The following C2orf76 variants were observed in gnomAD, a reference collection of about 807,000 sequenced individuals.
C2orf76 encodes the protein chromosome 2 open reading frame 76.
C2orf76 carries 23 observed loss-of-function variants against 16.9 expected under a neutral mutation model. The observed-to-expected ratio is 1.36, with a 90% CI of 0.98 to 1.93. The LOEUF is 1.93. C2orf76 is among the 30% of genes most tolerant of loss of function. The pLI, the probability that C2orf76 is intolerant of heterozygous loss-of-function variation, is 0.00. For synonymous variants in C2orf76, 48 were observed against 52.3 expected (o/e 0.92, Z 0.35); for missense variants, 152 against 152.6 (o/e 1.00, Z 0.02).
chr2:119,345,547 G>A (rs7591337), intron 1 of C2orf76, among the ~76,000 whole-genome samples: 85,593 of 151,934 alleles, frequency 0.56, 24,459 homozygotes, highest in African/African-American at 0.62. Context: ...TAAACCCATG[G>A]GTTCATAATG....
At chr2:119,339,711 G>A in intron 2 of C2orf76, 116 bp downstream of exon 2, 1 of 1,163,510 alleles carries the variant, frequency 8.6e-7, no homozygotes, top group Middle Eastern at 3.0e-4. Context: ...CACCTGGCTT[G>A]GAACCCAGGT....
rs759664366 is a variant in C2orf76 at position 119,339,859 on chromosome 2, G to C, written c.101C>G (p.Thr34Ser). 2.5e-6 allele frequency: 4 copies of C among 1,609,208 alleles called. No individual in the cohort carries two copies. In the African/African-American group the frequency reaches 4.0e-5, roughly 16 times the overall value. Reference protein sequence around the residue: ...VVYHGVNLDQTVKEFIVFLKQ... With the variant: ...VVYHGVNLDQSVKEFIVFLKQ... ...TAGAAATACGATAAATTCCTTTACA[G>C]TTTGGTCCAAATTCACTCCGTGATA... The change falls in exon 2 of 6, where the codon ACT becomes AGT. Residue 34 changes from threonine (T) to serine (S), a missense_variant. Physicochemically the swap from Thr to Ser is moderately conservative, Grantham distance 58. Coordinates refer to ENST00000334816, the MANE Select transcript of C2orf76 (RefSeq NM_001322331.2).
the C2orf76 span, among the ~76,000 whole-genome samples, chr2:119,284,053 A>G: frequency 1.3e-5 from 2 of 152,152 alleles, no homozygotes; most frequent in Non-Finnish European, 2.9e-5. Context: ...ATGAGAGGAA[A>G]GCGGTTTTAG....
chr2:119,356,763 G>C (rs1680583392), intron 1 of C2orf76, among the ~76,000 whole-genome samples: 1 of 151,194 alleles, frequency 6.6e-6, no homozygotes, highest in Admixed American at 6.6e-5. Context: ...GACCAGCTAG[G>C]GAAAAAAAAA....
chr2:119,331,598 G>A (rs1407627702), intron 2 of C2orf76, among the ~76,000 whole-genome samples: 1 of 152,122 alleles, frequency 6.6e-6, no homozygotes, highest in African/African-American at 2.4e-5. Context: ...GTCCACTCCA[G>A]ACTGCCAGCT....
chr2:119,302,442 G>T lies in C2orf76; in HGVS notation c.*30C>A, dbSNP rs754773539. 5 of 894,344 alleles carry T rather than the reference G, an allele frequency of 5.6e-6. No individual in the cohort carries two copies. Among genetic ancestry groups the T allele is most frequent in the African/African-American group, 3.5e-5 (2 of 57,208 alleles). 55.4% of individuals were successfully genotyped at this position (894,344 alleles called of 1,614,324 possible). ...CAGTGGAATAAAGAGCTTAATACAG[G>T]TATGCAAAAAGGAAGCCCTCGAGAT... On this transcript the variant is annotated 3_prime_UTR_variant, in exon 6 of 6. Coordinates refer to ENST00000334816, the MANE Select transcript of C2orf76 (RefSeq NM_001322331.2).
chr2:119,332,604 C>T (rs1403301632), intron 2 of C2orf76, among the ~76,000 whole-genome samples: 3 of 152,138 alleles, frequency 2.0e-5, no homozygotes. Flanking sequence ...TAAAGCCTTT[C>T]TATCTTTTGC....
At chr2:119,362,626 A>G (rs72831282) in intron 1 of C2orf76, among the ~76,000 whole-genome samples, 17,772 of 152,190 alleles carry the variant, frequency 0.12, 1,227 homozygotes, top group African/African-American at 0.19. Context: ...TCCTGCCCAT[A>G]ATCATGAATG....
intron 3 of C2orf76, among the ~76,000 whole-genome samples, chr2:119,319,327 G>A (rs6721130): frequency 0.17 from 25,890 of 152,122 alleles, 2,649 homozygotes; most frequent in Middle Eastern, 0.3. Flanking sequence ...GTGACCTGAG[G>A]AGTGGGTAAG....
At chr2:119,354,521 T>C (rs550512579) in intron 1 of C2orf76, among the ~76,000 whole-genome samples, 1 of 152,296 alleles carries the variant, frequency 6.6e-6, no homozygotes, top group African/African-American at 2.4e-5. Context: ...AGGCTCTGTC[T>C]CAAAATATAA....
intron 1 of C2orf76, among the ~76,000 whole-genome samples, chr2:119,347,840 C>T (rs1558794304): frequency 6.6e-6 from 1 of 152,038 alleles, no homozygotes; most frequent in African/African-American, 2.4e-5. Context: ...CCACTTTCCC[C>T]CACTTGGCCA....
chr2:119,301,119 A>G (rs1456590949), downstream of C2orf76, among the ~76,000 whole-genome samples: 3 of 146,082 alleles, frequency 2.1e-5, no homozygotes, highest in Admixed American at 6.7e-5. Context: ...AATTTCTGTC[A>G]ACAATGCTCT....
intron 5 of C2orf76, among the ~76,000 whole-genome samples, chr2:119,302,919 C>T (rs1476951718): frequency 6.6e-6 from 1 of 151,120 alleles, no homozygotes; most frequent in Non-Finnish European, 1.5e-5. Context: ...ATATGCTACT[C>T]AGGTACTGAA....
At chr2:119,328,669 T>C (rs1679583943) in intron 2 of C2orf76, among the ~76,000 whole-genome samples, 1 of 152,204 alleles carries the variant, frequency 6.6e-6, no homozygotes, top group Non-Finnish European at 1.5e-5. Context: ...TTCTAGTTTC[T>C]TAACATAAAG....
chr2:119,319,194 T>G (rs1679270003), intron 3 of C2orf76, among the ~76,000 whole-genome samples: 1 of 152,144 alleles, frequency 6.6e-6, no homozygotes, highest in African/African-American at 2.4e-5. Flanking sequence ...GCCTTTAAAC[T>G]AGAAATCCTG....
chr2:119,302,927 G>C (rs966114167), intron 5 of C2orf76, among the ~76,000 whole-genome samples: 1 of 146,716 alleles, frequency 6.8e-6, no homozygotes, highest in South Asian at 2.3e-4. Flanking sequence ...CTCAGGTACT[G>C]AAGGAAGGGG....
At chr2:119,367,044 C>G (rs375206897), upstream of C2orf76, 1 of 1,614,082 alleles carries the variant, frequency 6.2e-7, no homozygotes, top group Admixed American at 1.7e-5. Flanking sequence ...TCTTGCAAGT[C>G]GGCCAGGATG....
chr2:119,308,067 A>G (rs1352873192), intron 5 of C2orf76, among the ~76,000 whole-genome samples: 1 of 152,232 alleles, frequency 6.6e-6, no homozygotes, highest in Non-Finnish European at 1.5e-5. Context: ...GCTTACAGAA[A>G]GCAAGCAAAG....
In C2orf76 at chr2:119,320,772, C is replaced by T. The variant is rs76844248; in HGVS notation, c.184+382G>A. On this transcript the variant is annotated intron_variant, in intron 3 of 5. Coordinates refer to ENST00000334816, the MANE Select transcript of C2orf76 (RefSeq NM_001322331.2). The stretch of plus-strand genomic sequence containing the variant: ...ACAAATAATGAATGACAACATCTAG[C>T]TTCTTACCTTATTACTCCATTTTTA... Among the ~76,000 whole-genome samples the T allele has an allele frequency of 9.9e-3, 1,509 of 152,278 alleles. 25 individuals carry two copies. The highest frequency in any genetic ancestry group is 0.015 in the Non-Finnish European group (1,003 of 68,010).
Sources: gnomAD v4.1 joint callset for allele counts (sites outside exome capture counted in the v4.1 genomes callset) on GRCh38, gnomAD v4.1.1 for gene constraint, MANE v1.5 for transcripts, NCBI Gene and HGNC (gene_info 2026-07-23, HGNC 2026-07-21) for gene names.